The following TBXAS1 variants were observed in gnomAD, a reference collection of about 807,000 sequenced individuals.
TBXAS1 encodes the protein thromboxane-A synthase.
In TBXAS1, 48 loss-of-function variants were observed where a neutral mutation model predicts 60.7. The ratio of observed to expected loss-of-function variants is 0.79; its 90% CI spans 0.63 to 1.01. The LOEUF (loss-of-function observed/expected upper bound fraction) is 1.01, where lower values mean the gene tolerates loss of function less well. Ranked by LOEUF, TBXAS1 falls within the 50% of genes least tolerant of loss-of-function variation. The pLI, the probability that TBXAS1 is intolerant of heterozygous loss-of-function variation, is 0.00. For missense variants in TBXAS1, 685 were observed against 686.3 expected, an observed-to-expected ratio of 1.00 and a Z score of 0.02; for synonymous variants, 287 against 269.7, an observed-to-expected ratio of 1.06 and a Z score of -0.63.
At chr7:139,877,340 T>G (rs1409209058) in intron 3 of TBXAS1, among the ~76,000 whole-genome samples, 1 of 152,264 alleles carries the variant, frequency 6.6e-6, no homozygotes, top group Non-Finnish European at 1.5e-5. Context: ...AGGTGCTCGA[T>G]AAAGGCTCAA....
chr7:140,011,141 G>A (rs760430819), intron 10 of TBXAS1, among the ~76,000 whole-genome samples: 36 of 151,936 alleles, frequency 2.4e-4, no homozygotes, highest in Non-Finnish European at 4.7e-4. Flanking sequence ...GCCGGGCATG[G>A]TGGCAGAAAC....
At chr7:139,785,112 A>G (rs1027839464) in intron 3 of TBXAS1, among the ~76,000 whole-genome samples, 1 of 152,156 alleles carries the variant, frequency 6.6e-6, no homozygotes, top group African/African-American at 2.4e-5. Context: ...GCAGTTCCAT[A>G]ACTACAGGTG....
At chr7:139,904,014 C>G (rs1051731161) in intron 3 of TBXAS1, among the ~76,000 whole-genome samples, 7 of 151,932 alleles carry the variant, frequency 4.6e-5, no homozygotes, top group African/African-American at 1.7e-4. Flanking sequence ...TTCTTGGTCA[C>G]GAAATCCTTG....
intron 9 of TBXAS1, among the ~76,000 whole-genome samples, chr7:139,983,313 G>A (rs891786625): frequency 7.9e-5 from 12 of 152,116 alleles, no homozygotes; most frequent in Non-Finnish European, 1.3e-4. Flanking sequence ...TGTGACATAA[G>A]AAAAACATAG....
chr7:139,981,741 G>A (rs1811994803), intron 9 of TBXAS1, among the ~76,000 whole-genome samples: 1 of 152,202 alleles, frequency 6.6e-6, no homozygotes, highest in Admixed American at 6.5e-5. Flanking sequence ...GAGGATTCCA[G>A]ACAGACCATA....
chr7:139,976,702 T>C (rs1197886511), intron 9 of TBXAS1, among the ~76,000 whole-genome samples: 1 of 152,136 alleles, frequency 6.6e-6, no homozygotes, highest in South Asian at 2.1e-4. Context: ...AGATTCGATT[T>C]AGTGGGTCTG....
At chr7:139,920,220 C>G in intron 4 of TBXAS1, among the ~76,000 whole-genome samples, 1 of 152,234 alleles carries the variant, frequency 6.6e-6, no homozygotes, top group East Asian at 1.9e-4. Flanking sequence ...CAAGTAAAGA[C>G]AACGAGGGGT....
chr7:139,884,383 G>A (rs546693589), intron 3 of TBXAS1, among the ~76,000 whole-genome samples: 1 of 152,314 alleles, frequency 6.6e-6, no homozygotes, highest in Non-Finnish European at 1.5e-5. Flanking sequence ...TTTTTGCATT[G>A]GGTGTAAATA....
At chr7:139,842,248 C>A (rs1799498314) in intron 1 of TBXAS1, among the ~76,000 whole-genome samples, 1 of 152,054 alleles carries the variant, frequency 6.6e-6, no homozygotes, top group Non-Finnish European at 1.5e-5. Flanking sequence ...GTTTTGGGGG[C>A]AGAGATGAAA....
chr7:139,987,582 A>G (rs1011041976), intron 9 of TBXAS1, among the ~76,000 whole-genome samples: 2 of 152,164 alleles, frequency 1.3e-5, no homozygotes, highest in Admixed American at 1.3e-4. Flanking sequence ...CGCATGTCCC[A>G]TCTCACCCTG....
chr7:139,929,305 G>A (rs973272614), intron 4 of TBXAS1, among the ~76,000 whole-genome samples: 5 of 152,224 alleles, frequency 3.3e-5, no homozygotes, highest in African/African-American at 9.6e-5. Flanking sequence ...CCTGACGCAC[G>A]TGGCCCCTGC....
At chr7:139,873,956 C>T (rs1156817548) in intron 2 of TBXAS1, among the ~76,000 whole-genome samples, 3 of 152,126 alleles carry the variant, frequency 2.0e-5, no homozygotes, top group Admixed American at 6.5e-5. Context: ...TCCCTACCTC[C>T]GGAAAGGCTG....
upstream of TBXAS1, among the ~76,000 whole-genome samples, chr7:139,824,828 T>C (rs1569494924): frequency 2.7e-5 from 3 of 112,726 alleles, no homozygotes; most frequent in Admixed American, 1.0e-4. Context: ...CTTTTCCTTT[T>C]CTTTTTTTTT....
intron 10 of TBXAS1, among the ~76,000 whole-genome samples, chr7:140,011,741 T>C (rs1814636041): frequency 6.6e-6 from 1 of 152,124 alleles, no homozygotes; most frequent in Non-Finnish European, 1.5e-5. Context: ...GAGGAAAAAG[T>C]TCTGGAGATG....
chr7:139,888,146 C>A (rs1447222955), intron 3 of TBXAS1, among the ~76,000 whole-genome samples: 1 of 152,216 alleles, frequency 6.6e-6, no homozygotes, highest in Non-Finnish European at 1.5e-5. Context: ...GCTTGCACTG[C>A]ACGATAAATT....
At position 139,950,177 on chromosome 7, in the gene TBXAS1, T is replaced by G. The variant is rs1809085641; in HGVS notation, c.451-3191T>G. Among the ~76,000 whole-genome samples, 7 of 151,404 alleles carry G rather than the reference T, an allele frequency of 4.6e-5. No homozygotes were observed. In the South Asian group the frequency reaches 1.5e-3, roughly 32 times the overall value. ...GCCTCCGAGTAGCTGGGATTACAGG[T>G]GCCTGCCACCACGCCCAGCTAATTT... is the stretch of plus-strand genomic sequence containing the variant. On this transcript the variant is annotated intron_variant, in intron 5 of 12. Coordinates refer to ENST00000448866, the MANE Select transcript of TBXAS1 (RefSeq NM_001061.7).
Position 139,999,291 on chromosome 7 carries a change from G to A in TBXAS1, c.1135-7800G>A, listed in dbSNP as rs1423132213. On this transcript the variant is annotated intron_variant, in intron 9 of 12. Transcript: ENST00000448866. The surrounding 1 kb of genome is among the most constrained non-coding windows in gnomAD (Gnocchi z 4.3). ...TATAATCCCAGCACTTTGGGAGGCC[G>A]AGGTGGGTGAATCACCTGAGGTCAG... Among the ~76,000 whole-genome samples, 3 of 152,210 alleles carry A rather than the reference G, an allele frequency of 2.0e-5. No individual in the cohort carries two copies. The highest frequency in any genetic ancestry group is 2.9e-5 in the Non-Finnish European group (2 of 68,040).
At chr7:139,877,840 T>C (rs2116849194) in intron 3 of TBXAS1, among the ~76,000 whole-genome samples, 1 of 151,742 alleles carries the variant, frequency 6.6e-6, no homozygotes, top group Non-Finnish European at 1.5e-5. Context: ...TCATTCCAGC[T>C]CTTTCTTTCA....
At chr7:139,859,460 C>T (rs1221290200) in intron 1 of TBXAS1, among the ~76,000 whole-genome samples, 1 of 151,906 alleles carries the variant, frequency 6.6e-6, no homozygotes, top group Non-Finnish European at 1.5e-5. Context: ...CCCACCTCAG[C>T]CTCCTAAAGT....
Sources: gnomAD v4.1 joint callset for allele counts (sites outside exome capture counted in the v4.1 genomes callset) on GRCh38, gnomAD v4.1.1 for gene constraint, Gnocchi (gnomAD v3.1) non-coding constraint, MANE v1.5 for transcripts, NCBI Gene and HGNC (gene_info 2026-07-23, HGNC 2026-07-21) for gene names.